Variants in WDR41 observed in about 807,000 individuals in gnomAD.
WDR41 encodes WD repeat-containing protein 41.
A neutral mutation model predicts 69.3 loss-of-function variants in WDR41; 63 were observed. The observed-to-expected ratio is 0.91, with a 90% CI of 0.74 to 1.12. The LOEUF (loss-of-function observed/expected upper bound fraction) is 1.12, where lower values mean the gene tolerates loss of function less well. Among genes scored for constraint, WDR41 ranks in the 50% most tolerant of loss-of-function variants. WDR41 has a pLI of 0.00. For missense variants in WDR41, 543 were observed against 534.5 expected (o/e 1.02, Z -0.16); for synonymous variants, 185 against 192.1 (o/e 0.96, Z 0.31).
chr5:77,441,059 A>T (rs12188735), intron 8 of WDR41, 62 bp from the exon 9 acceptor site: 243,095 of 1,549,874 alleles, frequency 0.16, 20,356 homozygotes, highest in South Asian at 0.17. Flanking sequence ...ATATAACTGA[A>T]TGGAATGTCT....
At chr5:77,563,694 T>C (rs894658556) in intron 1 of WDR41, among the ~76,000 whole-genome samples, 1 of 152,170 alleles carries the variant, frequency 6.6e-6, no homozygotes, top group African/African-American at 2.4e-5. Context: ...CAGGACATAC[T>C]GCAGACACTG....
chr5:77,511,039 G>C (rs1581779734), intron 1 of WDR41, among the ~76,000 whole-genome samples: 1 of 151,936 alleles, frequency 6.6e-6, no homozygotes, highest in Admixed American at 6.6e-5. Flanking sequence ...TTACAGGTGT[G>C]AGCCACCACA....
chr5:77,432,892 C>CCACTTCAACAGCAGCTCAAAGTCAA lies in WDR41; in HGVS notation c.*218_*242dup. 1 of 397,146 alleles carries CCACTTCAACAGCAGCTCAAAGTCAA rather than the reference C, an allele frequency of 2.5e-6. No individual in the cohort carries two copies. The allele number at this position is 397,146 out of a possible 1,614,324, so 24.6% of individuals were successfully genotyped here. A position where few individuals can be genotyped will look rare whatever the true frequency, so the allele number is the denominator to read the frequency against. On this transcript the variant is annotated 3_prime_UTR_variant, in exon 13 of 13. Coordinates refer to ENST00000296679, the MANE Select transcript of WDR41 (RefSeq NM_018268.4). ...AAATAAGCTCAAAACACAGCACTCA[C>CCACTTCAACAGCAGCTCAAAGTCAA]CACTTCAACAGCAGCTCAAAGTCAA...
chr5:77,593,540 A>G (rs1024970676), intron 1 of WDR41, among the ~76,000 whole-genome samples: 3 of 152,226 alleles, frequency 2.0e-5, no homozygotes, highest in Non-Finnish European at 4.4e-5. Context: ...ATAATACATA[A>G]GAACACAAGA....
intron 1 of WDR41, among the ~76,000 whole-genome samples, chr5:77,596,304 C>A (rs946791721): frequency 8.6e-5 from 13 of 152,002 alleles, no homozygotes; most frequent in African/African-American, 3.1e-4. Flanking sequence ...TGCACCACCA[C>A]CCCCAGCTAA....
At chr5:77,554,386 G>C (rs1472215873) in intron 1 of WDR41, among the ~76,000 whole-genome samples, 2 of 152,074 alleles carry the variant, frequency 1.3e-5, no homozygotes, top group African/African-American at 4.8e-5. Context: ...TGGGACCTTT[G>C]GGAGGTGATT....
At chr5:77,570,219 G>A in intron 1 of WDR41, among the ~76,000 whole-genome samples, 1 of 151,844 alleles carries the variant, frequency 6.6e-6, no homozygotes, top group South Asian at 2.1e-4. Flanking sequence ...ATTTCCCTCA[G>A]GTTCTCCATC....
At chr5:77,492,321 C>T (rs1343743615), upstream of WDR41, 14 of 1,480,830 alleles carry the variant, frequency 9.5e-6, no homozygotes, top group Non-Finnish European at 1.3e-5. Flanking sequence ...GCAACTGAGA[C>T]GCTAATACTT....
At chr5:77,466,602 C>A (rs1353479416) in intron 2 of WDR41, among the ~76,000 whole-genome samples, 1 of 151,830 alleles carries the variant, frequency 6.6e-6, no homozygotes, top group East Asian at 1.9e-4. Flanking sequence ...TGAGAGATGA[C>A]TGAGAACAGC....
chr5:77,599,358 G>T (rs1296136135), intron 1 of WDR41, among the ~76,000 whole-genome samples: 1 of 151,874 alleles, frequency 6.6e-6, no homozygotes, highest in Non-Finnish European at 1.5e-5. Flanking sequence ...CTGCCACCAA[G>T]CCTGGCTAAT....
intron 1 of WDR41, among the ~76,000 whole-genome samples, chr5:77,616,833 C>A (rs1283949776): frequency 1.3e-5 from 2 of 152,170 alleles, no homozygotes; most frequent in Non-Finnish European, 2.9e-5. Flanking sequence ...AATATCAGAC[C>A]TAAACTACAC....
chr5:77,480,805 C>T (rs1399386172), intron 2 of WDR41, among the ~76,000 whole-genome samples: 1 of 143,766 alleles, frequency 7.0e-6, no homozygotes, highest in African/African-American at 2.7e-5. Flanking sequence ...GCACATGTAC[C>T]CTAAAACTTA....
chr5:77,453,335 A>G (rs1283233973), intron 6 of WDR41, among the ~76,000 whole-genome samples: 3 of 152,228 alleles, frequency 2.0e-5, no homozygotes, highest in Non-Finnish European at 2.9e-5. Context: ...CCTTGGTATC[A>G]AAAAGTCAAA....
chr5:77,614,651 TG>T (rs1193049469), intron 1 of WDR41, among the ~76,000 whole-genome samples: 12 of 9,416 alleles, frequency 1.3e-3, no homozygotes, highest in Non-Finnish European at 1.9e-3. Flanking sequence ...TGTTGTGGGG[TG>T]GGGGGGGAGG....
Position 77,440,884 on chromosome 5 carries a change from T to G in WDR41, c.811A>C (p.Thr271Pro), listed in dbSNP as rs1264606795. The change falls in exon 9 of 13, where the codon ACC (threonine) becomes CCC (proline). Residue 271 changes from threonine to proline, a missense_variant. Coordinates refer to ENST00000296679, the MANE Select transcript of WDR41 (RefSeq NM_018268.4). ...TGACAGAGTTTTATTTCTTGTTGGG[T>G]GTCCAGTTGTGGAGATGGGTCCCAG... ...NFWDPSPQLD[T>P]QQEIKLCQKS... 6.2e-7 allele frequency: 1 copy of G among 1,614,196 alleles called. No homozygotes were observed. The highest frequency in any genetic ancestry group is 1.1e-5 in the South Asian group (1 of 91,082).
Position 77,577,729 on chromosome 5 carries a change from C to T in WDR41, c.42+42750G>A, listed in dbSNP as rs778540904. ...AAGAATAAGAAAGCTGGGAGAAGCT[C>T]ACCTGTGATCAGAACAAATATCAAA... On this transcript the variant is annotated intron_variant, in intron 1 of 5. Transcript: ENST00000509971. Among the ~76,000 whole-genome samples the T allele has an allele frequency of 2.8e-4, 43 of 152,258 alleles. 1 individual carries two copies. Among genetic ancestry groups the T allele is most frequent in the Middle Eastern group, 3.4e-3 (1 of 292 alleles).
At chr5:77,512,371 T>G (rs868056986) in intron 1 of WDR41, among the ~76,000 whole-genome samples, 1 of 122,292 alleles carries the variant, frequency 8.2e-6, no homozygotes, top group Non-Finnish European at 1.7e-5. Context: ...TGTGTGTGTG[T>G]GTGTGTGTGT....
chr5:77,469,367 T>G (rs1800455829), intron 2 of WDR41, among the ~76,000 whole-genome samples: 1 of 152,182 alleles, frequency 6.6e-6, no homozygotes, highest in African/African-American at 2.4e-5. Flanking sequence ...GTTGTGCACA[T>G]GTACCCTAGT....
chr5:77,431,471 GACTCACTCTATTTGCAA>G lies in WDR41; in HGVS notation c.*1647_*1663del, dbSNP rs1798719880. ...CACTGGGAAACCAAAAACTAGATGT[GACTCACTCTATTTGCAA>G]TAGTTGCTTTTTTGATGTGGTCTGA... is the stretch of plus-strand genomic sequence containing the variant. On this transcript the variant is annotated 3_prime_UTR_variant, in exon 13 of 13. Transcript: ENST00000296679. 6.6e-6 allele frequency: 1 copy of G among 152,162 alleles called. No homozygotes were observed. Among genetic ancestry groups the G allele is most frequent in the Non-Finnish European group, 1.5e-5 (1 of 68,036 alleles). 9.4% of individuals were successfully genotyped at this position (152,162 alleles called of 1,614,324 possible).
Sources: gnomAD v4.1 joint callset for allele counts (sites outside exome capture counted in the v4.1 genomes callset) on GRCh38, gnomAD v4.1.1 for gene constraint, MANE v1.5 for transcripts, NCBI Gene and HGNC (gene_info 2026-07-23, HGNC 2026-07-21) for gene names.